TRABD2B: variants seen among roughly 807,000 people sequenced by gnomAD.
The protein encoded by TRABD2B is metalloprotease TIKI2.
In TRABD2B, 14 loss-of-function variants were observed where a neutral mutation model predicts 40.1. That is an observed-to-expected ratio of 0.35 (90% confidence interval 0.23 to 0.55). The LOEUF is 0.55. Ranked by LOEUF, TRABD2B falls within the 20% of genes least tolerant of loss-of-function variation. The probability of loss-of-function intolerance (pLI) is 0.90; values close to 1 mark genes in which losing one functional copy is unlikely to be tolerated. For missense variants in TRABD2B, 541 were observed against 648.6 expected (o/e 0.83, Z 1.80); for synonymous variants, 263 against 277.0 (o/e 0.95, Z 0.50).
chr1:47,843,624 T>G (rs2124494068), intron 2 of TRABD2B, among the ~76,000 whole-genome samples: 1 of 151,776 alleles, frequency 6.6e-6, no homozygotes. Context: ...AGAAGAGAGG[T>G]TTATGGGTAG....
chr1:47,896,062 C>A (rs1644516304), intron 2 of TRABD2B, among the ~76,000 whole-genome samples: 1 of 152,254 alleles, frequency 6.6e-6, no homozygotes, highest in East Asian at 1.9e-4. Context: ...GCCCCTAAAC[C>A]ACAGGCTGTC....
chr1:47,979,630 G>A (rs1241368906), intron 2 of TRABD2B, among the ~76,000 whole-genome samples: 6 of 152,194 alleles, frequency 3.9e-5, no homozygotes, highest in African/African-American at 9.6e-5. Flanking sequence ...ATCAGGAATC[G>A]CCTGCCTTAC....
chr1:47,962,991 T>C (rs1286390940), intron 2 of TRABD2B, among the ~76,000 whole-genome samples: 1 of 152,262 alleles, frequency 6.6e-6, no homozygotes, highest in Non-Finnish European at 1.5e-5. Context: ...GGTTTACCTC[T>C]GAGTTGGAAT....
At chr1:47,888,902 G>A (rs1483480583) in intron 2 of TRABD2B, among the ~76,000 whole-genome samples, 5 of 152,190 alleles carry the variant, frequency 3.3e-5, no homozygotes. Context: ...ACTGAATGAT[G>A]GGGGCTTGTT....
intron 5 of TRABD2B, among the ~76,000 whole-genome samples, chr1:47,776,566 G>A (rs1429281121): frequency 6.6e-6 from 1 of 152,136 alleles, no homozygotes; most frequent in East Asian, 1.9e-4. Context: ...CACGTGCACC[G>A]CTTAGCCCAA....
At chr1:47,932,133 G>C (rs1645047778) in intron 2 of TRABD2B, among the ~76,000 whole-genome samples, 4 of 152,200 alleles carry the variant, frequency 2.6e-5, no homozygotes, top group Admixed American at 2.6e-4. Context: ...AAGAGTTGCA[G>C]AGTGAACACT....
chr1:47,850,293 A>G (rs1246678362), intron 2 of TRABD2B, among the ~76,000 whole-genome samples: 2 of 152,222 alleles, frequency 1.3e-5, no homozygotes, highest in African/African-American at 4.8e-5. Context: ...ACTTTCTCAC[A>G]GTCTGTGCTA....
Position 47,763,931 on chromosome 1 carries a change from G to C in TRABD2B, c.*1971C>G, listed in dbSNP as rs948546486. 1.3e-5 allele frequency: 2 copies of C among 152,278 alleles called. No homozygotes were observed. Among genetic ancestry groups the C allele is most frequent in the African/African-American group, 4.8e-5 (2 of 41,476 alleles). The allele number at this position is 152,278 out of a possible 1,614,324, so 9.4% of individuals were successfully genotyped here. On this transcript the variant is annotated 3_prime_UTR_variant, in exon 7 of 7. Coordinates refer to ENST00000606738, the MANE Select transcript of TRABD2B (RefSeq NM_001194986.2). The stretch of plus-strand genomic sequence containing the variant: ...CAACTCCAGCCTGGATTGAGGTCAA[G>C]TTCAGTTTAGAGCATGGTGCCCACA...
At chr1:47,905,315 T>C (rs1411122671) in intron 2 of TRABD2B, among the ~76,000 whole-genome samples, 1 of 152,152 alleles carries the variant, frequency 6.6e-6, no homozygotes, top group Non-Finnish European at 1.5e-5. Context: ...TGAGGAGCAA[T>C]GAGAACCAAC....
At chr1:47,863,061 A>G (rs1464903726) in intron 2 of TRABD2B, among the ~76,000 whole-genome samples, 1 of 152,060 alleles carries the variant, frequency 6.6e-6, no homozygotes, top group African/African-American at 2.4e-5. Flanking sequence ...ACAAAAATTA[A>G]GACAAAATGA....
intron 2 of TRABD2B, among the ~76,000 whole-genome samples, chr1:47,869,430 C>T (rs1644108824): frequency 6.6e-6 from 1 of 152,218 alleles, no homozygotes. Flanking sequence ...CAGGTGTGAT[C>T]ACCGATTTAA....
At chr1:47,897,529 G>C (rs1245546795) in intron 2 of TRABD2B, among the ~76,000 whole-genome samples, 1 of 152,142 alleles carries the variant, frequency 6.6e-6, no homozygotes, top group Non-Finnish European at 1.5e-5. Flanking sequence ...GAAGATTTTT[G>C]ATGTGTTTTG....
At chr1:47,930,211 C>CT (rs1645021673) in intron 2 of TRABD2B, among the ~76,000 whole-genome samples, 2 of 152,194 alleles carry the variant, frequency 1.3e-5, no homozygotes, top group South Asian at 4.1e-4. Context: ...CTTTCAGTGT[C>CT]TGATAGGAGA....
At chr1:47,902,425 C>T (rs929950063) in intron 2 of TRABD2B, among the ~76,000 whole-genome samples, 3 of 152,128 alleles carry the variant, frequency 2.0e-5, no homozygotes, top group African/African-American at 7.2e-5. Flanking sequence ...AGTCCAGGGT[C>T]CTCAGGCTCT....
intron 2 of TRABD2B, among the ~76,000 whole-genome samples, chr1:47,987,950 T>TTAAA (rs1645944509): frequency 6.6e-6 from 1 of 152,178 alleles, no homozygotes; most frequent in Non-Finnish European, 1.5e-5. Flanking sequence ...GGAGGGGCTC[T>TTAAA]CCCTCCATGG....
intron 2 of TRABD2B, among the ~76,000 whole-genome samples, chr1:47,844,263 C>T (rs11589484): frequency 0.024 from 3,600 of 152,254 alleles, 115 homozygotes; most frequent in Admixed American, 0.095. Context: ...CTTTTTCTCC[C>T]GGAGCCCACA....
At position 47,996,379 on chromosome 1, in the gene TRABD2B, T is replaced by A. The variant is rs911134890; in HGVS notation, c.102+309A>T. Among the ~76,000 whole-genome samples, 1 of 150,426 alleles carries A rather than the reference T, an allele frequency of 6.6e-6. No homozygotes were observed. Among genetic ancestry groups the A allele is most frequent in the South Asian group, 2.1e-4 (1 of 4,744 alleles). Reference sequence around the variant, plus strand: ...ACCAGAAGGGTAAAGACAGAAAAAATATGAGAAAGGAGAGACAAAAAGGGG... The same window carrying A: ...ACCAGAAGGGTAAAGACAGAAAAAAAATGAGAAAGGAGAGACAAAAAGGGG... On this transcript the variant is annotated intron_variant, in intron 1 of 6. Transcript: ENST00000606738. This position sits in a 1 kb window ranked among gnomAD's most constrained non-coding sequence, Gnocchi z 4.6.
At chr1:47,833,346 C>T (rs185968003) in intron 2 of TRABD2B, among the ~76,000 whole-genome samples, 1 of 152,332 alleles carries the variant, frequency 6.6e-6, no homozygotes, top group East Asian at 1.9e-4. Context: ...TCAGGTCCTA[C>T]CTGGCTGAGC....
chr1:47,813,577 C>T lies in TRABD2B; in HGVS notation c.667-11958G>A, dbSNP rs1219244249. Among the ~76,000 whole-genome samples, 1 of 152,168 alleles carries T rather than the reference C, an allele frequency of 6.6e-6. No individual in the cohort carries two copies. Among genetic ancestry groups the T allele is most frequent in the African/African-American group, 2.4e-5 (1 of 41,432 alleles). On this transcript the variant is annotated intron_variant, in intron 2 of 6. Transcript: ENST00000606738. The surrounding 1 kb of genome is among the most constrained non-coding windows in gnomAD (Gnocchi z 4.3). ...TCTTTGGGGCAGACTCTTCTCTTCTCTTTGCTGCGTCTCAGCTTACCCATC... is the reference window on the plus strand; with the variant it reads ...TCTTTGGGGCAGACTCTTCTCTTCTTTTTGCTGCGTCTCAGCTTACCCATC...
Sources: gnomAD v4.1 joint callset for allele counts (sites outside exome capture counted in the v4.1 genomes callset) on GRCh38, gnomAD v4.1.1 for gene constraint, Gnocchi (gnomAD v3.1) non-coding constraint, MANE v1.5 for transcripts, NCBI Gene and HGNC (gene_info 2026-07-23, HGNC 2026-07-21) for gene names.